SPECC1: variants seen among roughly 807,000 people sequenced by gnomAD.
SPECC1 encodes sperm antigen with calponin homology and coiled-coil domains 1.
In SPECC1, 62 loss-of-function variants were observed where a neutral mutation model predicts 104.1. That is an observed-to-expected ratio of 0.60 (90% confidence interval 0.49 to 0.74). The LOEUF is 0.74. Among genes scored for constraint, SPECC1 ranks in the 30% least tolerant of loss-of-function variants. SPECC1 has a pLI of 0.00. For synonymous variants in SPECC1, 513 were observed against 501.6 expected (o/e 1.02, Z -0.30); for missense variants, 1,306 against 1,310.5 (o/e 1.00, Z 0.05).
chr17:20,253,528 G>GCGGC lies in SPECC1; in HGVS notation c.2624_2627dup (p.Arg879GlnfsTer12), dbSNP rs778108873. The GCGGC allele has an allele frequency of 1.9e-6, 3 of 1,614,048 alleles. No individual in the cohort carries two copies. Among genetic ancestry groups the GCGGC allele is most frequent in the Non-Finnish European group, 2.5e-6 (3 of 1,180,024 alleles). On this transcript the variant is annotated frameshift_variant, in exon 10 of 15. Transcript: ENST00000395527. LOFTEE classifies it high-confidence loss of function. ...AGAGGCATTCGACTTACAGCAGTGT[G>GCGGC]CGGCCAGCCAGCAGAGGGGTGACTC...
chr17:20,070,576 A>G (rs546997333), intron 1 of SPECC1, among the ~76,000 whole-genome samples: 2 of 152,238 alleles, frequency 1.3e-5, no homozygotes, highest in Non-Finnish European at 2.9e-5. Context: ...TATCACTTTT[A>G]ATGGCTGCAT....
chr17:20,265,903 G>A (rs2040200793), intron 12 of SPECC1, among the ~76,000 whole-genome samples: 1 of 152,064 alleles, frequency 6.6e-6, no homozygotes, highest in Non-Finnish European at 1.5e-5. Flanking sequence ...TAGGTTTGCA[G>A]CTCTATTTCT....
chr17:20,304,746 T>C (rs1007593395), intron 13 of SPECC1, among the ~76,000 whole-genome samples: 1 of 151,988 alleles, frequency 6.6e-6, no homozygotes, highest in Non-Finnish European at 1.5e-5. Flanking sequence ...TAGGGTTTCA[T>C]AGAATGATGA....
At chr17:20,229,959 C>A (rs2038469127) in intron 5 of SPECC1, among the ~76,000 whole-genome samples, 1 of 152,136 alleles carries the variant, frequency 6.6e-6, no homozygotes, top group Non-Finnish European at 1.5e-5. Flanking sequence ...TTCAAAAGGC[C>A]ATAAAGTGTG....
At chr17:20,093,382 C>T (rs2047490010) in intron 1 of SPECC1, among the ~76,000 whole-genome samples, 1 of 152,184 alleles carries the variant, frequency 6.6e-6, no homozygotes, top group South Asian at 2.1e-4. Context: ...CATGTACATT[C>T]TGGGAGAACA....
chr17:20,016,480 G>A (rs1422539597), intron 1 of SPECC1, among the ~76,000 whole-genome samples: 2 of 152,088 alleles, frequency 1.3e-5, no homozygotes, highest in Admixed American at 6.5e-5. Flanking sequence ...AGGCGCGGGC[G>A]GGAACCGGGG....
intron 13 of SPECC1, 86 bp from the exon 14 acceptor site, chr17:20,305,937 T>C (rs2041748088): frequency 6.9e-6 from 8 of 1,152,318 alleles, no homozygotes; most frequent in Non-Finnish European, 1.3e-6. Flanking sequence ...GAATAATCTA[T>C]ATGGGAATAT....
At chr17:20,254,984 G>A (rs572507600) in intron 10 of SPECC1, among the ~76,000 whole-genome samples, 1 of 152,308 alleles carries the variant, frequency 6.6e-6, no homozygotes, top group South Asian at 2.1e-4. Context: ...TTACATGGGA[G>A]AGATTCAAGC....
Position 20,096,686 on chromosome 17 carries a change from T to C in SPECC1, c.35T>C (p.Ile12Thr). 2 of 1,614,058 alleles carry C rather than the reference T, an allele frequency of 1.2e-6. No individual in the cohort carries two copies. The highest frequency in any genetic ancestry group is 1.7e-6 in the Non-Finnish European group (2 of 1,179,930). Residue 12 changes from isoleucine (I) to threonine (T), a missense_variant, in exon 2 of 15, where the codon ATC becomes ACC. Physicochemically the swap from Ile to Thr is moderately conservative, Grantham distance 89. This residue lies in a region of SPECC1 where 1,177 missense variants were observed against 1,139.9 expected (regional missense o/e 1.03). Coordinates refer to ENST00000395527, the MANE Select transcript of SPECC1 (RefSeq NM_001243439.2). Reference protein sequence around the residue: ...RSAAKPWNPAIRAGGHGPDRV... With the variant: ...RSAAKPWNPATRAGGHGPDRV... ...GCAGCCAAGCCCTGGAACCCAGCCA[T>C]CAGAGCAGGGGGCCACGGCCCAGAC...
intron 14 of SPECC1, 34 bp downstream of exon 14, chr17:20,306,116 T>G (rs377215058): frequency 6.3e-7 from 1 of 1,582,734 alleles, no homozygotes; most frequent in Non-Finnish European, 8.7e-7. Flanking sequence ...TGTGATACTT[T>G]AATTGTATGA....
At chr17:20,172,322 TC>T (rs1200519899) in intron 3 of SPECC1, among the ~76,000 whole-genome samples, 7 of 152,218 alleles carry the variant, frequency 4.6e-5, no homozygotes, top group Non-Finnish European at 8.8e-5. Context: ...ACAGGATACT[TC>T]CAGTTAACAC....
chr17:20,016,921 T>C (rs2044156168), intron 1 of SPECC1, among the ~76,000 whole-genome samples: 1 of 152,226 alleles, frequency 6.6e-6, no homozygotes, highest in Non-Finnish European at 1.5e-5. Flanking sequence ...CCTTTATGTC[T>C]AGCTAAGGGA....
In SPECC1 at chr17:20,133,464, C is replaced by G. The variant is rs536345119; in HGVS notation, c.283+22902C>G. 6.6e-5 allele frequency among the ~76,000 whole-genome samples: 10 copies of G among 152,142 alleles called. No homozygotes were observed. In the South Asian group the frequency reaches 1.9e-3, roughly 28 times the overall value. On this transcript the variant is annotated intron_variant, in intron 3 of 14. Coordinates refer to ENST00000395527, the MANE Select transcript of SPECC1 (RefSeq NM_001243439.2). ...TGGCAGTTAAAAAAAAAGAATCTAC[C>G]TGCCTTAGTGTGGTGTACCTTGCCC...
intron 6 of SPECC1, 56 bp downstream of exon 6, chr17:20,231,887 G>C: frequency 6.5e-7 from 1 of 1,539,536 alleles, no homozygotes; most frequent in South Asian, 1.1e-5. Flanking sequence ...CCCGCTCCGA[G>C]GTGTGGATCA....
intron 3 of SPECC1, among the ~76,000 whole-genome samples, chr17:20,113,753 A>G (rs1483303080): frequency 6.6e-6 from 1 of 152,236 alleles, no homozygotes; most frequent in African/African-American, 2.4e-5. Context: ...ATGTCATTCT[A>G]GGCAAGTTCC....
At chr17:20,170,469 T>C (rs1372029821) in intron 3 of SPECC1, among the ~76,000 whole-genome samples, 1 of 152,132 alleles carries the variant, frequency 6.6e-6, no homozygotes, top group Non-Finnish European at 1.5e-5. Context: ...TAAGAGTTTT[T>C]CCTCACCCCA....
intron 1 of SPECC1, among the ~76,000 whole-genome samples, chr17:20,048,072 T>G (rs1287387661): frequency 6.6e-6 from 1 of 152,178 alleles, no homozygotes; most frequent in African/African-American, 2.4e-5. Context: ...AGGATATTCC[T>G]TGCTTTAACC....
chr17:20,290,497 GATTTTT>G (rs2041126932), intron 12 of SPECC1: 2 of 151,774 alleles, frequency 1.3e-5, no homozygotes, highest in Non-Finnish European at 2.9e-5. Context: ...ACACTTGTCT[GATTTTT>G]ATTTTTATGT....
chr17:20,035,008 T>C (rs954089289), intron 1 of SPECC1, among the ~76,000 whole-genome samples: 2 of 152,254 alleles, frequency 1.3e-5, no homozygotes, highest in African/African-American at 4.8e-5. Flanking sequence ...TTTTTGCCTA[T>C]AGATGTGCAA....
Sources: allele counts gnomAD v4.1 joint callset (sites outside exome capture counted in the v4.1 genomes callset), GRCh38; gene constraint gnomAD v4.1.1; regional missense constraint gnomAD v4.1.1; transcripts MANE v1.5; gene names NCBI Gene and HGNC (gene_info 2026-07-23, HGNC 2026-07-21).